Variants in COG5 observed in about 807,000 individuals in gnomAD.
COG5 encodes conserved oligomeric Golgi complex subunit 5.
In COG5, 86 loss-of-function variants were observed where a neutral mutation model predicts 110.4. The ratio of observed to expected loss-of-function variants is 0.78; its 90% CI spans 0.65 to 0.93. The LOEUF (loss-of-function observed/expected upper bound fraction) is 0.93, where lower values mean the gene tolerates loss of function less well. Among genes scored for constraint, COG5 ranks in the 40% least tolerant of loss-of-function variants. The pLI, the probability that COG5 is intolerant of heterozygous loss-of-function variation, is 0.00. For synonymous variants in COG5, 360 were observed against 334.6 expected (o/e 1.08, Z -0.83); for missense variants, 1,077 against 987.0 (o/e 1.09, Z -1.22).
chr7:107,546,580 C>T (rs1394579895), intron 5 of COG5, among the ~76,000 whole-genome samples: 1 of 150,550 alleles, frequency 6.6e-6, no homozygotes, highest in Admixed American at 6.6e-5. Flanking sequence ...GGACTACAGG[C>T]GTGTCACCAT....
chr7:107,500,836 T>C (rs1173762039), intron 6 of COG5, among the ~76,000 whole-genome samples: 2 of 151,860 alleles, frequency 1.3e-5, no homozygotes, highest in Non-Finnish European at 2.9e-5. Flanking sequence ...TTTTACTGAA[T>C]ATGTTTCTGA....
At chr7:107,404,657 C>T (rs150980749) in intron 7 of COG5, among the ~76,000 whole-genome samples, 74 of 151,566 alleles carry the variant, frequency 4.9e-4, no homozygotes, top group Non-Finnish European at 7.1e-4. Context: ...AAAATGTGCA[C>T]GTTTAAATGT....
intron 8 of COG5, among the ~76,000 whole-genome samples, chr7:107,363,179 T>C (rs1188295252): frequency 6.6e-6 from 1 of 152,070 alleles, no homozygotes; most frequent in Non-Finnish European, 1.5e-5. Context: ...AGAGAGACAA[T>C]GGTTCCTCAA....
rs532427825 is a variant in COG5 at position 107,293,822 on chromosome 7, C to T, written c.1313+4320G>A. On this transcript the variant is annotated intron_variant, in intron 12 of 21. Transcript: ENST00000297135. ...GTGCGGTGACTCAGGCCTGTAATCC[C>T]ACACTTTGGGAGGCTGAGGTGGATG... Among the ~76,000 whole-genome samples, 9 of 152,162 alleles carry T rather than the reference C, an allele frequency of 5.9e-5. No individual in the cohort carries two copies. In the South Asian group the frequency reaches 1.9e-3, roughly 32 times the overall value.
intron 6 of COG5, among the ~76,000 whole-genome samples, chr7:107,488,607 G>A (rs973149440): frequency 2.9e-4 from 44 of 152,148 alleles, no homozygotes; most frequent in African/African-American, 1.1e-3. Context: ...CGCTTTGGGA[G>A]GCCAAGGAAG....
chr7:107,215,792 C>A (rs1799486365), intron 19 of COG5, among the ~76,000 whole-genome samples: 1 of 151,400 alleles, frequency 6.6e-6, no homozygotes. Context: ...TCACTGCAAG[C>A]TCTGCCTCCT....
At chr7:107,306,616 T>C (rs1315724547) in intron 11 of COG5, among the ~76,000 whole-genome samples, 2 of 152,198 alleles carry the variant, frequency 1.3e-5, no homozygotes, top group African/African-American at 4.8e-5. Flanking sequence ...CTCCTCATAA[T>C]GGCAGCAACA....
chr7:107,408,802 T>C (rs1282425567), intron 7 of COG5, among the ~76,000 whole-genome samples: 1 of 151,968 alleles, frequency 6.6e-6, no homozygotes, highest in Non-Finnish European at 1.5e-5. Context: ...GCAATGAAGG[T>C]TATATAAAAC....
chr7:107,347,929 A>G (rs1011715458), intron 10 of COG5, among the ~76,000 whole-genome samples: 1 of 151,920 alleles, frequency 6.6e-6, no homozygotes, highest in Admixed American at 6.6e-5. Flanking sequence ...GATCGAGACC[A>G]TCCTGGCCAA....
intron 5 of COG5, among the ~76,000 whole-genome samples, chr7:107,537,426 C>T (rs1336677683): frequency 3.3e-5 from 5 of 152,258 alleles, no homozygotes; most frequent in African/African-American, 1.2e-4. Context: ...AGAATGAGCT[C>T]ATGTCCTTTG....
intron 19 of COG5, among the ~76,000 whole-genome samples, chr7:107,228,924 G>T (rs572563504): frequency 6.6e-6 from 1 of 152,254 alleles, no homozygotes; most frequent in African/African-American, 2.4e-5. Flanking sequence ...AGAGCAAAGC[G>T]ATCATTTAAA....
At chr7:107,514,616 G>T (rs1295759515) in intron 6 of COG5, among the ~76,000 whole-genome samples, 1 of 152,096 alleles carries the variant, frequency 6.6e-6, no homozygotes, top group South Asian at 2.1e-4. Context: ...ACCAGCTCAG[G>T]CTTTAGAATC....
chr7:107,406,184 CT>C (rs1315747353), intron 7 of COG5, among the ~76,000 whole-genome samples: 1 of 152,098 alleles, frequency 6.6e-6, no homozygotes, highest in Non-Finnish European at 1.5e-5. Flanking sequence ...GGAGAAAATA[CT>C]CCCCCTCCAC....
Position 107,248,466 on chromosome 7 carries a change from G to T in COG5, c.1783C>A (p.Pro595Thr), listed in dbSNP as rs1802220416. 1 of 1,609,658 alleles carries T rather than the reference G, an allele frequency of 6.2e-7. No individual in the cohort carries two copies. The highest frequency in any genetic ancestry group is 1.3e-5 in the African/African-American group (1 of 74,422). The change falls in exon 17 of 22, where the codon CCC (proline) becomes ACC (threonine). Residue 595 changes from proline (P) to threonine (T), a missense_variant. Coordinates refer to ENST00000297135, the MANE Select transcript of COG5 (RefSeq NM_006348.5). ...GCATCTCCCACAGAAGTGAGTAAGG[G>T]TTGCACAGCATTTTCCATAAGAGCA... Reference protein sequence around the residue: ...IHALMENAVQPLLTSVGDAIE... With the variant: ...IHALMENAVQTLLTSVGDAIE...
At chr7:107,477,516 T>C (rs1455231483) in intron 6 of COG5, among the ~76,000 whole-genome samples, 1 of 151,796 alleles carries the variant, frequency 6.6e-6, no homozygotes, top group East Asian at 1.9e-4. Context: ...GTAAATATTA[T>C]ATTGCCCTTT....
intron 7 of COG5, among the ~76,000 whole-genome samples, chr7:107,387,375 C>A (rs1428171635): frequency 2.6e-5 from 4 of 152,172 alleles, no homozygotes; most frequent in Non-Finnish European, 5.9e-5. Flanking sequence ...AAAGCAGCAG[C>A]GCCTAAGCAA....
intron 14 of COG5, among the ~76,000 whole-genome samples, chr7:107,275,886 C>G (rs774144788): frequency 1.3e-5 from 2 of 151,872 alleles, no homozygotes; most frequent in Non-Finnish European, 2.9e-5. Context: ...GTCTCTATAC[C>G]ATTTAAATAT....
chr7:107,293,370 G>C (rs1227606600), intron 12 of COG5, among the ~76,000 whole-genome samples: 3 of 152,142 alleles, frequency 2.0e-5, no homozygotes, highest in Admixed American at 2.0e-4. Flanking sequence ...CCTTCCAGCT[G>C]AGAGCTAGGA....
chr7:107,395,005 T>C (rs550586247), intron 7 of COG5, among the ~76,000 whole-genome samples: 1 of 152,268 alleles, frequency 6.6e-6, no homozygotes, highest in Non-Finnish European at 1.5e-5. Context: ...TCTGCTGTTA[T>C]AGTCATGAAA....
Sources: gnomAD v4.1 joint callset for allele counts (sites outside exome capture counted in the v4.1 genomes callset) on GRCh38, gnomAD v4.1.1 for gene constraint, MANE v1.5 for transcripts, NCBI Gene and HGNC (gene_info 2026-07-23, HGNC 2026-07-21) for gene names.